EYS: variants seen among roughly 807,000 people sequenced by gnomAD.
EYS encodes protein eyes shut homolog.
EYS carries 250 observed loss-of-function variants against 282.1 expected under a neutral mutation model. That is an observed-to-expected ratio of 0.89 (90% CI 0.80 to 0.98). EYS has a LOEUF of 0.98. EYS is among the 50% of genes least tolerant of loss of function. The probability of loss-of-function intolerance (pLI) is 0.00; values close to 1 mark genes in which losing one functional copy is unlikely to be tolerated. For missense variants in EYS, 4,016 were observed against 3,709.0 expected (o/e 1.08, Z -2.15); for synonymous variants, 1,355 against 1,282.9 (o/e 1.06, Z -1.20).
In EYS at chr6:64,230,701, C is replaced by A; in HGVS notation, c.6315G>T (p.Gln2105His). 1 of 1,551,624 alleles carries A rather than the reference C, an allele frequency of 6.4e-7. No homozygotes were observed. The highest frequency in any genetic ancestry group is 8.7e-7 in the Non-Finnish European group (1 of 1,146,924). Residue 2105 changes from glutamine to histidine, a missense_variant, in exon 31 of 43, where the codon CAG becomes CAT. Physicochemically the swap from Gln to His is conservative, Grantham distance 24. Transcript: ENST00000503581. ...PSVAAPSVCQ[Q>H]DVCHNGGTCH... ...ATGTGCCTCCATTGTGGCATACATC[C>A]TGCTGGCACACAGAGGGTGCTGCAA...
chr6:63,765,772 T>C (rs1769773027), intron 40 of EYS, among the ~76,000 whole-genome samples: 1 of 152,016 alleles, frequency 6.6e-6, no homozygotes, highest in African/African-American at 2.4e-5. Context: ...TTGTACCCAT[T>C]AACCATCCCC....
At chr6:64,043,672 A>C (rs548735443) in intron 33 of EYS, among the ~76,000 whole-genome samples, 1 of 152,224 alleles carries the variant, frequency 6.6e-6, no homozygotes, top group Admixed American at 6.5e-5. Flanking sequence ...ACAGAGAAGA[A>C]GATCCTGGCA....
At chr6:64,832,903 A>G (rs1765268451) in intron 19 of EYS, among the ~76,000 whole-genome samples, 3 of 151,936 alleles carry the variant, frequency 2.0e-5, no homozygotes, top group South Asian at 2.1e-4. Context: ...TTCAAAGGAC[A>G]TTCTTTAGTT....
At chr6:63,898,215 G>A (rs1251890771) in intron 35 of EYS, among the ~76,000 whole-genome samples, 12 of 152,152 alleles carry the variant, frequency 7.9e-5, no homozygotes, top group Admixed American at 5.9e-4. Flanking sequence ...TTGGCTGGGC[G>A]TGATGGCTCA....
At chr6:64,970,966 T>G (rs2150111016) in intron 14 of EYS, among the ~76,000 whole-genome samples, 1 of 152,300 alleles carries the variant, frequency 6.6e-6, no homozygotes, top group Non-Finnish European at 1.5e-5. Context: ...TTATTTTTAA[T>G]CTCATATTTA....
chr6:63,752,787 G>A (rs116286934), intron 41 of EYS, among the ~76,000 whole-genome samples: 1,805 of 152,064 alleles, frequency 0.012, 30 homozygotes, highest in African/African-American at 0.042. Context: ...GAGCCACCGC[G>A]CCTGCCCTTA....
At chr6:64,390,279 A>C (rs527806665) in intron 28 of EYS, among the ~76,000 whole-genome samples, 1 of 152,192 alleles carries the variant, frequency 6.6e-6, no homozygotes, top group Non-Finnish European at 1.5e-5. Flanking sequence ...ACCACAGCTC[A>C]AGGAGGCCGG....
intron 5 of EYS, among the ~76,000 whole-genome samples, chr6:65,429,180 A>G (rs1441328089): frequency 1.3e-5 from 2 of 151,822 alleles, no homozygotes; most frequent in East Asian, 3.9e-4. Flanking sequence ...ATCATCTCAA[A>G]AAAAAAAAAA....
chr6:63,911,121 T>TAA (rs5876875), intron 35 of EYS, among the ~76,000 whole-genome samples: 126 of 143,538 alleles, frequency 8.8e-4, no homozygotes, highest in Admixed American at 1.7e-3. Flanking sequence ...AGTCATTGGT[T>TAA]AAAAAAAAAA....
chr6:65,417,425 C>A (rs1767281990), intron 5 of EYS, among the ~76,000 whole-genome samples: 1 of 151,988 alleles, frequency 6.6e-6, no homozygotes, highest in African/African-American at 2.4e-5. Flanking sequence ...TAATGTGTGA[C>A]TCTCACCACT....
At chr6:63,937,608 C>T (rs907350887) in intron 35 of EYS, among the ~76,000 whole-genome samples, 1 of 151,644 alleles carries the variant, frequency 6.6e-6, no homozygotes, top group Non-Finnish European at 1.5e-5. Context: ...GTCTCAATCT[C>T]CTGACCTCGT....
chr6:64,144,674 C>T (rs902245958), intron 31 of EYS, among the ~76,000 whole-genome samples: 13 of 152,178 alleles, frequency 8.5e-5, no homozygotes, highest in Non-Finnish European at 4.4e-5. Context: ...CATCCTTTCT[C>T]CAACCCCATG....
At chr6:64,128,209 C>G (rs1411397726) in intron 31 of EYS, among the ~76,000 whole-genome samples, 1 of 152,082 alleles carries the variant, frequency 6.6e-6, no homozygotes, top group Non-Finnish European at 1.5e-5. Context: ...TTTTTAGCTC[C>G]TTTGGATGTT....
At chr6:63,930,996 A>T (rs529641791) in intron 35 of EYS, among the ~76,000 whole-genome samples, 7 of 152,262 alleles carry the variant, frequency 4.6e-5, no homozygotes, top group Admixed American at 3.9e-4. Flanking sequence ...CCTTGCCAGG[A>T]ATTACAAAGG....
chr6:65,503,355 G>A (rs1003689613), intron 2 of EYS, among the ~76,000 whole-genome samples: 2 of 151,270 alleles, frequency 1.3e-5, no homozygotes, highest in Non-Finnish European at 3.0e-5. Context: ...TTTTACATTT[G>A]GATAAAAATC....
intron 2 of EYS, among the ~76,000 whole-genome samples, chr6:65,558,206 G>T (rs1768894356): frequency 6.6e-6 from 1 of 152,232 alleles, no homozygotes; most frequent in African/African-American, 2.4e-5. Flanking sequence ...AGGGGCAACT[G>T]CAGGCCAGCA....
At chr6:64,073,506 A>T (rs1355002822) in intron 32 of EYS, among the ~76,000 whole-genome samples, 3 of 151,834 alleles carry the variant, frequency 2.0e-5, no homozygotes, top group Non-Finnish European at 4.4e-5. Flanking sequence ...AGTATTAAAG[A>T]CAATTTTCAA....
intron 8 of EYS, among the ~76,000 whole-genome samples, chr6:65,375,848 G>T (rs1418478583): frequency 6.6e-6 from 1 of 151,902 alleles, no homozygotes; most frequent in African/African-American, 2.4e-5. Context: ...GAAAAAGAAC[G>T]AACAAAGCCT....
chr6:65,036,396 A>C (rs1284254705), intron 13 of EYS, among the ~76,000 whole-genome samples: 1 of 152,014 alleles, frequency 6.6e-6, no homozygotes, highest in African/African-American at 2.4e-5. Flanking sequence ...AAAACTAGGA[A>C]ATACCATTCT....
Sources: gnomAD v4.1 joint callset for allele counts (sites outside exome capture counted in the v4.1 genomes callset) on GRCh38, gnomAD v4.1.1 for gene constraint, MANE v1.5 for transcripts, NCBI Gene and HGNC (gene_info 2026-07-23, HGNC 2026-07-21) for gene names.